SRL: variants seen among roughly 807,000 people sequenced by gnomAD.
SRL encodes the protein sarcalumenin.
Under a neutral mutation model 39.5 loss-of-function variants are expected in SRL, and 23 were observed. The ratio of observed to expected loss-of-function variants is 0.58; its 90% CI spans 0.42 to 0.82. The LOEUF is 0.82. Among genes scored for constraint, SRL ranks in the 40% least tolerant of loss-of-function variants. The probability of loss-of-function intolerance (pLI) is 0.00; values close to 1 mark genes in which losing one functional copy is unlikely to be tolerated. For missense variants in SRL, 592 were observed against 607.8 expected, an observed-to-expected ratio of 0.97 and a Z score of 0.27; for synonymous variants, 272 against 237.4, an observed-to-expected ratio of 1.15 and a Z score of -1.34.
intron 1 of SRL, among the ~76,000 whole-genome samples, chr16:4,208,363 G>A (rs148632611): frequency 1.0e-3 from 155 of 152,300 alleles, no homozygotes; most frequent in African/African-American, 3.5e-3. Context: ...CTAACGAAGT[G>A]AGCAGCTGTG....
intron 1 of SRL, among the ~76,000 whole-genome samples, chr16:4,231,653 C>A (rs1412541033): frequency 1.3e-5 from 2 of 152,162 alleles, no homozygotes; most frequent in African/African-American, 4.8e-5. Context: ...TGAGCAGGGG[C>A]TGTCTCCCCT....
intron 3 of SRL, among the ~76,000 whole-genome samples, chr16:4,201,149 T>C (rs1184359297): frequency 1.3e-5 from 2 of 151,766 alleles, no homozygotes; most frequent in East Asian, 3.9e-4. Context: ...GGTCTCACTC[T>C]GTCGCCCAGG....
chr16:4,198,465 T>G (rs1355388515), intron 3 of SRL, among the ~76,000 whole-genome samples: 2 of 152,178 alleles, frequency 1.3e-5, no homozygotes, highest in African/African-American at 4.8e-5. Context: ...TGCCCTCTTT[T>G]GTTTAGAATC....
intron 1 of SRL, among the ~76,000 whole-genome samples, chr16:4,229,442 A>T (rs2052634905): frequency 6.6e-6 from 1 of 151,642 alleles, no homozygotes; most frequent in African/African-American, 2.4e-5. Flanking sequence ...AGAGCAAGAC[A>T]CCGTCTCAAA....
intron 1 of SRL, among the ~76,000 whole-genome samples, chr16:4,226,832 G>C (rs1370972106): frequency 1.3e-5 from 2 of 151,452 alleles, no homozygotes; most frequent in African/African-American, 4.9e-5. Flanking sequence ...TGGACGGATG[G>C]ATGGATGGAT....
intron 3 of SRL, among the ~76,000 whole-genome samples, chr16:4,201,308 A>G (rs113851713): frequency 0.24 from 36,714 of 151,318 alleles, 5,701 homozygotes; most frequent in African/African-American, 0.43. Flanking sequence ...ATGGAGTCTC[A>G]CTCTGTCACC....
intron 1 of SRL, among the ~76,000 whole-genome samples, chr16:4,227,060 A>ATGGG (rs1567188235): frequency 8.7e-5 from 13 of 149,506 alleles, no homozygotes; most frequent in Admixed American, 5.3e-4. Flanking sequence ...GAATGGATGG[A>ATGGG]TGGATGGATG....
In SRL at chr16:4,241,988, ATGCTGGG is replaced by A. The variant is rs2052777899; in HGVS notation, c.61+12_61+18del. On this transcript the variant is annotated intron_variant, in intron 1 of 5. Coordinates refer to ENST00000399609, the MANE Select transcript of SRL (RefSeq NM_001098814.2). ...GTGGGGGACCAGTCTGGGCTGGGTC[ATGCTGGG>A]AGGGGCCCTACCTGCTTGTCCTGAG... is the stretch of plus-strand genomic sequence containing the variant. The A allele has an allele frequency of 6.2e-7, 1 of 1,613,772 alleles. No individual in the cohort carries two copies. The highest frequency in any genetic ancestry group is 8.5e-7 in the Non-Finnish European group (1 of 1,179,932).
At chr16:4,241,222 A>G (rs1307077685) in intron 1 of SRL, among the ~76,000 whole-genome samples, 1 of 152,148 alleles carries the variant, frequency 6.6e-6, no homozygotes, top group Non-Finnish European at 1.5e-5. Flanking sequence ...ACCTGGCCTC[A>G]GGAACCTTAG....
rs1296105479 is a variant in SRL, at chr16:4,192,080, A to T, written c.*73T>A. On this transcript the variant is annotated 3_prime_UTR_variant, in exon 6 of 6. Transcript: ENST00000399609. The surrounding 1 kb of genome is among the most constrained non-coding windows in gnomAD (Gnocchi z 4.0). ...CCTGCCAGTGTGGCTCAAAGGGTTA[A>T]TAAACCAGGACCTCTCAGACAGTTA... 6.1e-6 allele frequency: 9 copies of T among 1,464,120 alleles called. No individual in the cohort carries two copies. The highest frequency in any genetic ancestry group is 7.4e-6 in the Non-Finnish European group (8 of 1,087,240). The allele number at this position is 1,464,120 out of a possible 1,614,324, so 90.7% of individuals were successfully genotyped here.
At position 4,192,689 on chromosome 16, in the gene SRL, G is replaced by C. The variant is rs752135152; in HGVS notation, c.886C>G (p.Gln296Glu). 6.2e-7 allele frequency: 1 copy of C among 1,614,120 alleles called. No homozygotes were observed. Among genetic ancestry groups the C allele is most frequent in the South Asian group, 1.1e-5 (1 of 91,078 alleles). Residue 296 changes from glutamine to glutamate, a missense_variant, in exon 6 of 6, where the codon CAA (glutamine) becomes GAA (glutamate). Gln to Glu is a conservative substitution (Grantham distance 29). Coordinates refer to ENST00000399609, the MANE Select transcript of SRL (RefSeq NM_001098814.2). This position sits in a 1 kb window ranked among gnomAD's most constrained non-coding sequence, Gnocchi z 4.0. Reference sequence around the variant, plus strand: ...TGATGGGTGTCCGGCTTATACTCTTGTGGCCAGAAGGAGCTGACGTAAACC... The same window carrying C: ...TGATGGGTGTCCGGCTTATACTCTTCTGGCCAGAAGGAGCTGACGTAAACC... ...PRVYVSSFWP[Q>E]EYKPDTHQEL...
At chr16:4,196,180 C>A (rs897072472) in intron 4 of SRL, among the ~76,000 whole-genome samples, 1 of 151,790 alleles carries the variant, frequency 6.6e-6, no homozygotes, top group East Asian at 1.9e-4. Context: ...AGGCTGGTCT[C>A]GAACTTCTGA....
At chr16:4,216,565 C>T (rs934817227) in intron 1 of SRL, among the ~76,000 whole-genome samples, 5 of 152,224 alleles carry the variant, frequency 3.3e-5, no homozygotes, top group Non-Finnish European at 7.3e-5. Flanking sequence ...AGCCACGATG[C>T]CCAGCCACTA....
At chr16:4,193,525 G>A (rs2052095846) in intron 5 of SRL, among the ~76,000 whole-genome samples, 1 of 152,212 alleles carries the variant, frequency 6.6e-6, no homozygotes, top group South Asian at 2.1e-4. Flanking sequence ...GCTTAGCATT[G>A]AGACCTGGAC....
At chr16:4,232,817 G>A (rs2052673945) in intron 1 of SRL, among the ~76,000 whole-genome samples, 1 of 152,204 alleles carries the variant, frequency 6.6e-6, no homozygotes, top group Non-Finnish European at 1.5e-5. Context: ...CAGCCTAGGG[G>A]AAATTCTATG....
At chr16:4,222,832 G>A (rs1050302858) in intron 1 of SRL, among the ~76,000 whole-genome samples, 3 of 152,146 alleles carry the variant, frequency 2.0e-5, no homozygotes, top group Non-Finnish European at 2.9e-5. Context: ...GGTGGCTCAC[G>A]CCTAGAATCC....
At chr16:4,231,854 T>G (rs774079967) in intron 1 of SRL, among the ~76,000 whole-genome samples, 13 of 152,338 alleles carry the variant, frequency 8.5e-5, no homozygotes, top group Non-Finnish European at 1.9e-4. Context: ...CTTTTAAGCT[T>G]AGAAAGTATC....
intron 4 of SRL, among the ~76,000 whole-genome samples, chr16:4,197,396 G>C (rs9938855): frequency 0.081 from 11,470 of 141,772 alleles, 1,457 homozygotes; most frequent in African/African-American, 0.28. Context: ...ATTTTAACAC[G>C]TGCATGTGGC....
intron 1 of SRL, chr16:4,207,866 G>A (rs1319079535): frequency 2.2e-6 from 1 of 456,476 alleles, no homozygotes; most frequent in Non-Finnish European, 4.4e-6. Flanking sequence ...CTGTGGCTGA[G>A]GCATTGGAGA....
Sources: gnomAD v4.1 joint callset for allele counts (sites outside exome capture counted in the v4.1 genomes callset) on GRCh38, gnomAD v4.1.1 for gene constraint, Gnocchi (gnomAD v3.1) non-coding constraint, MANE v1.5 for transcripts, NCBI Gene and HGNC (gene_info 2026-07-23, HGNC 2026-07-21) for gene names.